RUVBL1: variants seen among roughly 807,000 people sequenced by gnomAD.
The protein encoded by RUVBL1 is ruvB-like 1.
Under a neutral mutation model 52.4 loss-of-function variants are expected in RUVBL1, and 4 were observed. That is an observed-to-expected ratio of 0.08 (90% CI 0.04 to 0.17). RUVBL1 has a LOEUF of 0.17. RUVBL1 is among the 10% of genes least tolerant of loss of function. The pLI is 1.00. For synonymous variants in RUVBL1, 217 were observed against 214.4 expected, an observed-to-expected ratio of 1.01 and a Z score of -0.10; for missense variants, 298 against 572.8, an observed-to-expected ratio of 0.52 and a Z score of 4.90.
At chr3:128,146,778 C>T (rs1301881276) in intron 1 of RUVBL1, among the ~76,000 whole-genome samples, 3 of 151,294 alleles carry the variant, frequency 2.0e-5, no homozygotes, top group African/African-American at 4.9e-5. Context: ...TGTCTCTGTG[C>T]GTGTGCACGT....
chr3:128,078,496 A>G (rs934681180), downstream of RUVBL1, among the ~76,000 whole-genome samples: 3 of 152,158 alleles, frequency 2.0e-5, no homozygotes, highest in African/African-American at 7.2e-5. Flanking sequence ...ATTTATGTGA[A>G]AATTCCTCCC....
chr3:128,153,149 G>A, intron 1 of RUVBL1: 2 of 1,026,488 alleles, frequency 1.9e-6, no homozygotes, highest in Non-Finnish European at 2.4e-6. Flanking sequence ...GCTGATTGGT[G>A]CATTTTACAA....
intron 2 of RUVBL1, among the ~76,000 whole-genome samples, chr3:128,115,410 T>C (rs1448836459): frequency 6.6e-6 from 1 of 152,170 alleles, no homozygotes; most frequent in African/African-American, 2.4e-5. Flanking sequence ...CAGTGTGAGG[T>C]CCTCAAGAGT....
At position 128,100,605 on chromosome 3, in the gene RUVBL1, G is replaced by A. The variant is rs1378839372; in HGVS notation, c.743C>T (p.Ala248Val). 1.2e-6 allele frequency: 2 copies of A among 1,608,732 alleles called. No individual in the cohort carries two copies. Among genetic ancestry groups the A allele is most frequent in the Non-Finnish European group, 1.7e-6 (2 of 1,178,066 alleles). The change falls in exon 6 of 11, where the codon GCG becomes GTG. Residue 248 changes from alanine to valine, a missense_variant. By Grantham distance (64) the Ala-to-Val change is moderately conservative (BLOSUM62 0). This residue lies in a region of RUVBL1 where 161 missense variants were observed against 298.3 expected (regional missense o/e 0.54). Coordinates refer to ENST00000322623, the MANE Select transcript of RUVBL1 (RefSeq NM_003707.3). ...VTLHDLDVAN[A>V]RPQGGQDILS... ...GCATCGAGGCAGTACCTGGGGCCGCGCATTAGCCACATCCAAGTCATGCAA... is the reference window on the plus strand; with the variant it reads ...GCATCGAGGCAGTACCTGGGGCCGCACATTAGCCACATCCAAGTCATGCAA...
intron 1 of RUVBL1, among the ~76,000 whole-genome samples, chr3:128,152,884 C>G (rs1944250179): frequency 7.0e-5 from 2 of 28,476 alleles, no homozygotes; most frequent in African/African-American, 1.3e-4. Flanking sequence ...CCTTATTTGC[C>G]CCCTCCCCCA....
intron 9 of RUVBL1, among the ~76,000 whole-genome samples, chr3:128,072,363 C>T (rs1440359810): frequency 1.3e-5 from 2 of 152,230 alleles, no homozygotes; most frequent in Non-Finnish European, 2.9e-5. Context: ...CTGACCAGGG[C>T]TGTGGGAGGT....
chr3:128,100,872 A>C, intron 5 of RUVBL1, 128 bp from the exon 6 acceptor site: 2 of 1,020,358 alleles, frequency 2.0e-6, no homozygotes, highest in Middle Eastern at 2.2e-4. Flanking sequence ...ACAAACTCCA[A>C]ATATGCCCCA....
Position 128,081,195 on chromosome 3 carries a change from G to T in RUVBL1, c.*55C>A. On this transcript the variant is annotated 3_prime_UTR_variant, in exon 11 of 11. Coordinates refer to ENST00000322623, the MANE Select transcript of RUVBL1 (RefSeq NM_003707.3). The surrounding 1 kb of genome is among the most constrained non-coding windows in gnomAD (Gnocchi z 4.8). ...GCCCAGGGGCAAGCGCCCACAGGCT[G>T]GACCCAGGCCAGGCACACCTGGGGA... The T allele has an allele frequency of 6.4e-7, 1 of 1,573,658 alleles. No homozygotes were observed. The highest frequency in any genetic ancestry group is 8.7e-7 in the Non-Finnish European group (1 of 1,152,762).
chr3:128,074,428 G>A (rs78096947), intron 9 of RUVBL1, among the ~76,000 whole-genome samples: 25 of 152,024 alleles, frequency 1.6e-4, no homozygotes, highest in Non-Finnish European at 2.6e-4. Flanking sequence ...TTAGAGATTG[G>A]CACAAGGAAC....
Position 128,123,630 on chromosome 3 carries a change from G to A in RUVBL1, c.95C>T (p.Ala32Val). The A allele has an allele frequency of 6.2e-7, 1 of 1,611,906 alleles. No individual in the cohort carries two copies. The highest frequency in any genetic ancestry group is 1.3e-5 in the African/African-American group (1 of 75,036). Reference protein sequence around the residue: ...KGLGLDESGLAKQAASGLVGQ... With the variant: ...KGLGLDESGLVKQAASGLVGQ... Reference sequence around the variant, plus strand: ...CACAAGCCCTGAGGCCGCCTGCTTGGCCAAGCCGCTCTCGTCCAGCCCCAG... The same window carrying A: ...CACAAGCCCTGAGGCCGCCTGCTTGACCAAGCCGCTCTCGTCCAGCCCCAG... The change falls in exon 1 of 11, where the codon GCC (alanine) becomes GTC (valine). Residue 32 changes from alanine (A) to valine (V), a missense_variant. Physicochemically the swap from Ala to Val is moderately conservative, Grantham distance 64 (BLOSUM62 0). Coordinates refer to ENST00000322623, the MANE Select transcript of RUVBL1 (RefSeq NM_003707.3).
At chr3:128,087,612 C>G in intron 9 of RUVBL1, 94 bp downstream of exon 9, 1 of 929,674 alleles carries the variant, frequency 1.1e-6, no homozygotes, top group Non-Finnish European at 1.7e-6. Context: ...TGAATGGCAG[C>G]CAGATCCAAG....
At chr3:128,129,894 G>T (rs962884833) in intron 1 of RUVBL1, among the ~76,000 whole-genome samples, 1 of 152,126 alleles carries the variant, frequency 6.6e-6, no homozygotes, top group African/African-American at 2.4e-5. Context: ...ATTGGTGCAG[G>T]GTTTCCATCT....
intron 1 of RUVBL1, among the ~76,000 whole-genome samples, chr3:128,140,837 T>TA (rs1461375416): frequency 2.0e-5 from 3 of 152,104 alleles, no homozygotes; most frequent in Admixed American, 2.0e-4. Context: ...TTTTCCAGAT[T>TA]AAAAAAATGT....
At chr3:128,085,901 C>T (rs531554917) in intron 9 of RUVBL1, among the ~76,000 whole-genome samples, 4 of 152,216 alleles carry the variant, frequency 2.6e-5, no homozygotes, top group South Asian at 2.1e-4. Flanking sequence ...ATTAAGAACA[C>T]GGGTTTCCGG....
At chr3:128,098,197 C>G (rs2107687823) in intron 7 of RUVBL1, among the ~76,000 whole-genome samples, 1 of 152,278 alleles carries the variant, frequency 6.6e-6, no homozygotes, top group Middle Eastern at 3.4e-3. Context: ...AAATAGAAAA[C>G]TGGAAGATCT....
rs570928795 is a variant in RUVBL1 at position 128,101,477 on chromosome 3, G to C, written c.603+82C>G. On this transcript the variant is annotated intron_variant, in intron 5 of 10. Transcript: ENST00000322623. ...CCTCCCCACACACCCCACACCCTCT[G>C]AAGAAAGCAACTCCCTTGTCACTTA... The C allele has an allele frequency of 3.7e-6, 5 of 1,349,252 alleles. No homozygotes were observed. The South Asian group carries it at 5.9e-5, about 16-fold the overall frequency. The allele number at this position is 1,349,252 out of a possible 1,614,324, so 83.6% of individuals were successfully genotyped here. A position where few individuals can be genotyped will look rare whatever the true frequency, so the allele number is the denominator to read the frequency against.
In RUVBL1 at chr3:128,088,961, C is replaced by CTGCT. The variant is rs369360805; in HGVS notation, c.1017-1154_1017-1153insAGCA. ...TAGTGCTTGACAGAACCCTGAATAGCTACTTGAATGAATAACTATCCTAAT... is the reference window on the plus strand; with the variant it reads ...TAGTGCTTGACAGAACCCTGAATAGCTGCTTACTTGAATGAATAACTATCCTAAT... On this transcript the variant is annotated intron_variant, in intron 8 of 10. Transcript: ENST00000322623. Among the ~76,000 whole-genome samples, 313 of 152,230 alleles carry CTGCT rather than the reference C, an allele frequency of 2.1e-3. 2 individuals are homozygous for CTGCT. The highest frequency in any genetic ancestry group is 3.0e-3 in the Non-Finnish European group (201 of 68,030).
Position 128,101,586 on chromosome 3 carries a change from G to A in RUVBL1, c.576C>T (p.Tyr192=), listed in dbSNP as rs769015801. Residue 192 remains tyrosine (Y), a synonymous_variant, in exon 5 of 11, where the codon TAC becomes TAT. Coordinates refer to ENST00000322623, the MANE Select transcript of RUVBL1 (RefSeq NM_003707.3). The part of the protein sequence containing the change: ...KERVEAGDVI[Y]IEANSGAVKR... ...TCACGGCCCCACTGTTGGCTTCAAT[G>A]TAAATCACATCTCCAGCTTCTACTC... 3.3e-5 allele frequency: 54 copies of A among 1,613,820 alleles called. No individual in the cohort carries two copies. The highest frequency in any genetic ancestry group is 4.5e-5 in the Non-Finnish European group (53 of 1,179,996).
In RUVBL1 at chr3:128,082,676, A is replaced by C. The variant is rs192556448; in HGVS notation, c.1120-102T>G. ...TTGCTCAGATTTCTCACTGTGCAGC[A>C]TAAGAGAAACTGAGACCTGGGTTGG... On this transcript the variant is annotated intron_variant, in intron 9 of 10. Transcript: ENST00000322623. This position sits in a 1 kb window ranked among gnomAD's most constrained non-coding sequence, Gnocchi z 4.7. 1.0e-5 allele frequency: 10 copies of C among 974,182 alleles called. No homozygotes were observed. The highest frequency in any genetic ancestry group is 2.6e-5 in the Admixed American group (1 of 37,742). 60.3% of individuals were successfully genotyped at this position (974,182 alleles called of 1,614,324 possible). A position where few individuals can be genotyped will look rare whatever the true frequency, so the allele number is the denominator to read the frequency against.
Sources: gnomAD v4.1 joint callset for allele counts (sites outside exome capture counted in the v4.1 genomes callset) on GRCh38, gnomAD v4.1.1 for gene constraint, gnomAD v4.1.1 regional missense constraint, Gnocchi (gnomAD v3.1) non-coding constraint, MANE v1.5 for transcripts, NCBI Gene and HGNC (gene_info 2026-07-23, HGNC 2026-07-21) for gene names.